The following TPM3 variants were observed in gnomAD, a reference collection of about 807,000 sequenced individuals.
TPM3 encodes the protein tropomyosin alpha-3 chain.
A neutral mutation model predicts 43.1 loss-of-function variants in TPM3; 16 were observed. That is an observed-to-expected ratio of 0.37 (90% CI 0.25 to 0.56). TPM3 has a LOEUF of 0.56. Among genes scored for constraint, TPM3 ranks in the 20% least tolerant of loss-of-function variants. TPM3 has a pLI of 0.77. For missense variants in TPM3, 176 were observed against 337.2 expected (o/e 0.52, Z 3.74); for synonymous variants, 101 against 116.9 (o/e 0.86, Z 0.88).
chr1:154,174,407 T>TACACACACACAC (rs1553249401), intron 3 of TPM3, among the ~76,000 whole-genome samples: 4 of 72,692 alleles, frequency 5.5e-5, no homozygotes, highest in African/African-American at 2.0e-4. Context: ...TATATATATA[T>TACACACACACAC]ACACACAAAA....
intron 9 of TPM3, 49 bp downstream of exon 9, chr1:154,169,256 T>A (rs1208281344): frequency 2.5e-6 from 4 of 1,583,844 alleles, no homozygotes; most frequent in Non-Finnish European, 2.6e-6. Context: ...TGTACCCCCA[T>A]CCACCCACAA....
intron 3 of TPM3, 44 bp downstream of exon 3, chr1:154,176,071 T>C (rs371776489): frequency 6.8e-6 from 11 of 1,611,728 alleles, no homozygotes; most frequent in Non-Finnish European, 9.3e-6. Context: ...TCAGAACTAT[T>C]ATGAACTTTT....
intron 2 of TPM3, among the ~76,000 whole-genome samples, chr1:154,183,436 C>T (rs1663209078): frequency 6.6e-6 from 1 of 152,192 alleles, no homozygotes; most frequent in South Asian, 2.1e-4. Context: ...GCGCTTCGTG[C>T]CCTAGCCTCT....
At chr1:154,173,528 G>C (rs1661844327) in intron 3 of TPM3, among the ~76,000 whole-genome samples, 1 of 152,194 alleles carries the variant, frequency 6.6e-6, no homozygotes, top group African/African-American at 2.4e-5. Context: ...GCTGGGCGTA[G>C]TGGCACATGC....
chr1:154,191,528 G>A (rs939737947), intron 1 of TPM3: 11 of 1,294,380 alleles, frequency 8.5e-6, no homozygotes, highest in Non-Finnish European at 1.1e-5. Context: ...AAGCCATCCT[G>A]GGTTTTCATC....
intron 8 of TPM3, 34 bp from the exon 9 acceptor site, chr1:154,169,417 G>A (rs1358522900): frequency 6.2e-7 from 1 of 1,608,960 alleles, no homozygotes. Flanking sequence ...GGAGGAATGA[G>A]GGGACAGAGT....
intron 2 of TPM3, among the ~76,000 whole-genome samples, chr1:154,184,860 G>A (rs1663332227): frequency 6.6e-6 from 1 of 152,046 alleles, no homozygotes; most frequent in African/African-American, 2.4e-5. Flanking sequence ...GTTGCAGTGA[G>A]CCAAGATTGT....
At chr1:154,187,477 T>C in intron 2 of TPM3, 2 of 984,698 alleles carry the variant, frequency 2.0e-6, no homozygotes, top group Non-Finnish European at 2.4e-6. Flanking sequence ...TGAGTATTTT[T>C]AACCCTCACT....
chr1:154,170,759 A>T, intron 6 of TPM3, 48 bp from the exon 7 acceptor site: 2 of 1,223,080 alleles, frequency 1.6e-6, no homozygotes, highest in Non-Finnish European at 2.4e-6. Context: ...TTAGTCACAC[A>T]GGCAATACCC....
rs574252210 is a variant in TPM3, at chr1:154,164,180, TG to T, written c.*3756del. On this transcript the variant is annotated 3_prime_UTR_variant, in exon 10 of 10. Transcript: ENST00000651641. ...CCCCACCACTTTCCTACTCTTTTTT[TG>T]GGGGGGGTCTCATTCTGCCACCCAG... Among the ~76,000 whole-genome samples, 4 of 151,470 alleles carry T rather than the reference TG, an allele frequency of 2.6e-5. No homozygotes were observed. The highest frequency in any genetic ancestry group is 2.1e-4 in the South Asian group (1 of 4,754).
chr1:154,169,029 T>C (rs1558039522), intron 9 of TPM3, among the ~76,000 whole-genome samples: 1 of 151,436 alleles, frequency 6.6e-6, no homozygotes. Context: ...AGAGACGGGG[T>C]TTCACCATGT....
chr1:154,192,071 G>A lies in TPM3; in HGVS notation c.-53C>T. 5.3e-6 allele frequency: 8 copies of A among 1,514,288 alleles called. No individual in the cohort carries two copies. The East Asian group carries it at 9.0e-5, about 17-fold the overall frequency. 93.8% of individuals were successfully genotyped at this position (1,514,288 alleles called of 1,614,324 possible). On this transcript the variant is annotated 5_prime_UTR_variant, in exon 1 of 10. Coordinates refer to ENST00000651641, the MANE Select transcript of TPM3 (RefSeq NM_152263.4). ...GTGAACACTGGAGAACTGGAGACTGGGGCAAGAAAGAAGGGGCTGCTGCCT... is the reference window on the plus strand; with the variant it reads ...GTGAACACTGGAGAACTGGAGACTGAGGCAAGAAAGAAGGGGCTGCTGCCT...
At chr1:154,156,456 C>T (rs1659818133), downstream of TPM3, 1 of 192,836 alleles carries the variant, frequency 5.2e-6, no homozygotes, top group African/African-American at 2.3e-5. Context: ...CCCAATCGGC[C>T]CCAAAGAGAC....
intron 2 of TPM3, among the ~76,000 whole-genome samples, chr1:154,177,758 A>C (rs1043730870): frequency 1.3e-5 from 2 of 152,224 alleles, no homozygotes; most frequent in African/African-American, 2.4e-5. Flanking sequence ...GGAAGAATAT[A>C]GACCAAAAGA....
At chr1:154,175,530 C>G (rs1450582334) in intron 3 of TPM3, among the ~76,000 whole-genome samples, 2 of 152,078 alleles carry the variant, frequency 1.3e-5, no homozygotes. Context: ...AACAGATTGC[C>G]AGGCCCCACA....
At chr1:154,158,375 A>T (rs1660015932), downstream of TPM3, among the ~76,000 whole-genome samples, 1 of 152,226 alleles carries the variant, frequency 6.6e-6, no homozygotes, top group Non-Finnish European at 1.5e-5. Context: ...AAAAGGACGC[A>T]AAAGTCAGAA....
chr1:154,184,019 C>G (rs1374275193), intron 2 of TPM3, among the ~76,000 whole-genome samples: 1 of 151,882 alleles, frequency 6.6e-6, no homozygotes, highest in Non-Finnish European at 1.5e-5. Context: ...GCCACCCCGT[C>G]AGGCTCCCTG....
At chr1:154,180,459 A>C (rs978837600) in intron 2 of TPM3, among the ~76,000 whole-genome samples, 3 of 152,204 alleles carry the variant, frequency 2.0e-5, no homozygotes, top group African/African-American at 4.8e-5. Flanking sequence ...AGAGCAGCAG[A>C]AAGTCAAAAG....
In TPM3 at chr1:154,169,593, C is replaced by T. The variant is rs1034704630; in HGVS notation, c.776-210G>A. ...AACTTCCTTTCTTGATACTCCAAATCGACTGCAGCAAGGGCTGAGAACCTG... is the reference window on the plus strand; with the variant it reads ...AACTTCCTTTCTTGATACTCCAAATTGACTGCAGCAAGGGCTGAGAACCTG... On this transcript the variant is annotated intron_variant, in intron 8 of 9. Coordinates refer to ENST00000651641, the MANE Select transcript of TPM3 (RefSeq NM_152263.4). The T allele has an allele frequency of 9.7e-5, 59 of 608,274 alleles. No individual in the cohort carries two copies. In the East Asian group the frequency reaches 1.5e-3, roughly 16 times the overall value. 37.7% of individuals were successfully genotyped at this position (608,274 alleles called of 1,614,324 possible).
Sources: allele counts gnomAD v4.1 joint callset (sites outside exome capture counted in the v4.1 genomes callset), GRCh38; gene constraint gnomAD v4.1.1; transcripts MANE v1.5; gene names NCBI Gene and HGNC (gene_info 2026-07-23, HGNC 2026-07-21).